SEMA4B: variants seen among roughly 807,000 people sequenced by gnomAD.
SEMA4B encodes semaphorin 4B.
In SEMA4B, 55 loss-of-function variants were observed where a neutral mutation model predicts 88.1. The observed-to-expected ratio is 0.62, with a 90% CI of 0.50 to 0.78. The LOEUF is 0.78. SEMA4B is among the 30% of genes least tolerant of loss of function. The probability of loss-of-function intolerance (pLI) is 0.00; values close to 1 mark genes in which losing one functional copy is unlikely to be tolerated. For missense variants in SEMA4B, 1,062 were observed against 1,111.9 expected (o/e 0.96, Z 0.64); for synonymous variants, 525 against 473.6 (o/e 1.11, Z -1.41).
intron 3 of SEMA4B, chr15:90,219,280 A>G (rs962755013): frequency 2.6e-5 from 4 of 152,278 alleles, no homozygotes; most frequent in African/African-American, 9.7e-5. Flanking sequence ...CTGAAAAGAC[A>G]GAATTAATGA....
At chr15:90,221,982 C>G (rs144821342) in intron 7 of SEMA4B, among the ~76,000 whole-genome samples, 4,564 of 151,398 alleles carry the variant, frequency 0.03, 206 homozygotes, top group African/African-American at 0.099. Flanking sequence ...CTCTGTCACC[C>G]AGGCTGGAGT....
chr15:90,220,367 C>CTTTCTTT (rs1961754787), intron 4 of SEMA4B: 1 of 125,272 alleles, frequency 8.0e-6, no homozygotes, highest in African/African-American at 3.4e-5. Context: ...TTTTTCTTTT[C>CTTTCTTT]TTTTTTTTTT....
chr15:90,204,941 AATTTTTGT>A (rs1173368722), intron 1 of SEMA4B, among the ~76,000 whole-genome samples: 5 of 152,094 alleles, frequency 3.3e-5, no homozygotes, highest in Admixed American at 2.6e-4. Flanking sequence ...ATGCTTAGCT[AATTTTTGT>A]ATTTTTGTAG....
At chr15:90,201,050 C>G (rs1361978945), upstream of SEMA4B, among the ~76,000 whole-genome samples, 2 of 152,216 alleles carry the variant, frequency 1.3e-5, no homozygotes. Flanking sequence ...TGTCCCCAAA[C>G]CAACGCCACT....
In SEMA4B at chr15:90,228,951, A is replaced by G. The variant is rs2151632086; in HGVS notation, c.*308A>G. 2.1e-6 allele frequency: 1 copy of G among 471,382 alleles called. No individual in the cohort carries two copies. The highest frequency in any genetic ancestry group is 3.9e-6 in the Non-Finnish European group (1 of 258,312). The allele number at this position is 471,382 out of a possible 1,614,324, so 29.2% of individuals were successfully genotyped here. A position where few individuals can be genotyped will look rare whatever the true frequency, so the allele number is the denominator to read the frequency against. ...AAACAATTCCAAATGTGAAACTAGAATGAGAGGGAAGAGATAGCATGGCAT... is the reference window on the plus strand; with the variant it reads ...AAACAATTCCAAATGTGAAACTAGAGTGAGAGGGAAGAGATAGCATGGCAT... On this transcript the variant is annotated 3_prime_UTR_variant, in exon 14 of 14. Transcript: ENST00000411539.
At chr15:90,210,208 AAC>A (rs1258428041) in intron 1 of SEMA4B, among the ~76,000 whole-genome samples, 1 of 152,200 alleles carries the variant, frequency 6.6e-6, no homozygotes, top group Non-Finnish European at 1.5e-5. Flanking sequence ...GCCACACACA[AAC>A]ACAAAATGCC....
Position 90,219,875 on chromosome 15 carries a change from C to G in SEMA4B, c.467C>G (p.Pro156Arg). The change falls in exon 4 of 14, where the codon CCC (proline) becomes CGC (arginine). Residue 156 changes from proline to arginine, a missense_variant. Transcript: ENST00000411539. ...ACCTGTGGCACAGCAGCCTTCAGCC[C>G]CATGTGTACCTACATCGTGAGTGAC... ...LFTCGTAAFS[P>R]MCTYINMENF... is the part of the protein sequence containing the mutation. 2 of 1,612,762 alleles carry G rather than the reference C, an allele frequency of 1.2e-6. No homozygotes were observed. Among genetic ancestry groups the G allele is most frequent in the South Asian group, 1.1e-5 (1 of 91,070 alleles).
intron 1 of SEMA4B, among the ~76,000 whole-genome samples, chr15:90,188,876 GC>G (rs1375211407): frequency 2.0e-5 from 3 of 151,848 alleles, no homozygotes; most frequent in Non-Finnish European, 4.4e-5. Flanking sequence ...CACCATGTTA[GC>G]CAGGATGGTC....
intron 12 of SEMA4B, 68 bp downstream of exon 12, chr15:90,225,895 G>A: frequency 7.5e-7 from 1 of 1,330,428 alleles, no homozygotes; most frequent in Non-Finnish European, 9.8e-7. Flanking sequence ...GCACCATCCT[G>A]GGCCCTCCTT....
chr15:90,204,803 T>G (rs773927609), intron 1 of SEMA4B, among the ~76,000 whole-genome samples: 7 of 151,996 alleles, frequency 4.6e-5, no homozygotes, highest in Non-Finnish European at 1.0e-4. Context: ...TGAGATGGAG[T>G]TTCGCTCTGT....
At chr15:90,199,541 G>A (rs1960625879), upstream of SEMA4B, among the ~76,000 whole-genome samples, 1 of 152,102 alleles carries the variant, frequency 6.6e-6, no homozygotes, top group South Asian at 2.1e-4. Context: ...AAATATTGAG[G>A]CCGGGTCAGG....
rs200769820 is a variant in SEMA4B, at chr15:90,225,751, G to T, written c.1612G>T (p.Ala538Ser). 5.1e-6 allele frequency: 8 copies of T among 1,576,574 alleles called. No individual in the cohort carries two copies. Among genetic ancestry groups the T allele is most frequent in the Admixed American group, 3.6e-5 (2 of 55,736 alleles). Residue 538 changes from alanine to serine, a missense_variant, in exon 12 of 14, where the codon GCC (alanine) becomes TCC (serine). Ala to Ser is a moderately conservative substitution (Grantham distance 99). Coordinates refer to ENST00000411539, the MANE Select transcript of SEMA4B (RefSeq NM_198925.4). ...LYRSCGDCLL[A>S]RDPYCAWSGS... ...CAGGAGCTGTGGGGACTGCCTCCTC[G>T]CCCGGGACCCCTACTGTGCTTGGAG...
At chr15:90,218,033 A>G in intron 3 of SEMA4B, 1 of 537,940 alleles carries the variant, frequency 1.9e-6, no homozygotes, top group Admixed American at 3.1e-5. Context: ...TCACCTGTCT[A>G]AGCCTTAGTG....
At chr15:90,191,209 G>T (rs982455042) in intron 1 of SEMA4B, among the ~76,000 whole-genome samples, 1 of 152,324 alleles carries the variant, frequency 6.6e-6, no homozygotes, top group Non-Finnish European at 1.5e-5. Context: ...CCCAGTGGGG[G>T]TGGTGCTGGG....
chr15:90,195,618 T>C (rs1960475306), intron 1 of SEMA4B, among the ~76,000 whole-genome samples: 1 of 152,200 alleles, frequency 6.6e-6, no homozygotes, highest in Non-Finnish European at 1.5e-5. Flanking sequence ...TTGTTGTTTT[T>C]TCTTTTTTTG....
intron 1 of SEMA4B, among the ~76,000 whole-genome samples, chr15:90,192,386 C>T (rs1960369370): frequency 6.6e-6 from 1 of 152,170 alleles, no homozygotes. Flanking sequence ...ACATGGCCTG[C>T]ATGCAGCTGG....
chr15:90,220,531 C>T (rs906055358), intron 4 of SEMA4B, among the ~76,000 whole-genome samples: 1 of 151,772 alleles, frequency 6.6e-6, no homozygotes, highest in African/African-American at 2.4e-5. Flanking sequence ...CCACGCCTGG[C>T]TAATTTTTTC....
At position 90,201,727 on chromosome 15, in the gene SEMA4B, T is replaced by A; in HGVS notation, c.149T>A (p.Leu50Gln). 1 of 1,456,612 alleles carries A rather than the reference T, an allele frequency of 6.9e-7. No homozygotes were observed. Among genetic ancestry groups the A allele is most frequent in the Non-Finnish European group, 9.0e-7 (1 of 1,108,920 alleles). The allele number at this position is 1,456,612 out of a possible 1,614,324, so 90.2% of individuals were successfully genotyped here. A position where few individuals can be genotyped will look rare whatever the true frequency, so the allele number is the denominator to read the frequency against. The change falls in exon 1 of 14, where the codon CTG (leucine) becomes CAG (glutamine). Residue 50 changes from leucine (L) to glutamine (Q), a missense_variant. Coordinates refer to ENST00000411539, the MANE Select transcript of SEMA4B (RefSeq NM_198925.4). ...TGGGCGCTCAGCCCCCGGATCAGCCTGCCTCTGGGTGAGTGCCGGGGACCC... is the reference window on the plus strand; with the variant it reads ...TGGGCGCTCAGCCCCCGGATCAGCCAGCCTCTGGGTGAGTGCCGGGGACCC... ...PTWALSPRIS[L>Q]PLGSEERPFL... is the part of the protein sequence containing the mutation.
chr15:90,221,178 C>A, intron 5 of SEMA4B, 85 bp downstream of exon 5: 1 of 1,150,666 alleles, frequency 8.7e-7, no homozygotes, highest in Non-Finnish European at 1.3e-6. Flanking sequence ...CAGGCTGAGT[C>A]CATGCCATGC....
Sources: allele counts gnomAD v4.1 joint callset (sites outside exome capture counted in the v4.1 genomes callset), GRCh38; gene constraint gnomAD v4.1.1; transcripts MANE v1.5; gene names NCBI Gene and HGNC (gene_info 2026-07-23, HGNC 2026-07-21).